Variants in PTPRA observed in about 807,000 individuals in gnomAD.
PTPRA encodes protein tyrosine phosphatase receptor type A.
In PTPRA, 25 loss-of-function variants were observed where a neutral mutation model predicts 104.8. That is an observed-to-expected ratio of 0.24 (90% confidence interval 0.17 to 0.33). PTPRA has a LOEUF of 0.33. Among genes scored for constraint, PTPRA ranks in the 10% least tolerant of loss-of-function variants. The pLI is 1.00. For synonymous variants in PTPRA, 323 were observed against 368.9 expected (o/e 0.88, Z 1.43); for missense variants, 765 against 1,015.3 (o/e 0.75, Z 3.35).
chr20:2,878,719 C>T (rs1428770025), intron 1 of PTPRA, among the ~76,000 whole-genome samples: 1 of 152,212 alleles, frequency 6.6e-6, no homozygotes, highest in African/African-American at 2.4e-5. Flanking sequence ...CCAGCACTAT[C>T]AGCAATTTAT....
intron 2 of PTPRA, among the ~76,000 whole-genome samples, chr20:2,943,220 C>CA (rs1450982620): frequency 6.8e-6 from 1 of 147,614 alleles, no homozygotes; most frequent in Non-Finnish European, 1.5e-5. Context: ...CCCACCCCCC[C>CA]CCCAGATAAG....
chr20:2,967,562 A>G (rs1294494791), intron 5 of PTPRA, among the ~76,000 whole-genome samples: 2 of 151,808 alleles, frequency 1.3e-5, no homozygotes, highest in Admixed American at 1.3e-4. Context: ...TTGTTTATTT[A>G]GTTTTCTATT....
intron 11 of PTPRA, among the ~76,000 whole-genome samples, chr20:3,008,434 A>T (rs1232454652): frequency 6.6e-6 from 1 of 152,232 alleles, no homozygotes; most frequent in Non-Finnish European, 1.5e-5. Flanking sequence ...TAGAGTAGTC[A>T]AATTCACAGG....
intron 3 of PTPRA, among the ~76,000 whole-genome samples, chr20:2,958,673 A>AT (rs2061627482): frequency 6.7e-6 from 1 of 148,420 alleles, no homozygotes; most frequent in African/African-American, 2.5e-5. Context: ...AAAAAAAAAA[A>AT]AAAAAAAAAA....
chr20:2,892,824 G>T (rs766223314), intron 1 of PTPRA, among the ~76,000 whole-genome samples: 16 of 152,118 alleles, frequency 1.1e-4, no homozygotes, highest in Non-Finnish European at 2.2e-4. Context: ...AACTAAGTTC[G>T]GTTTAGCTGT....
At chr20:3,004,049 G>C (rs1022593823) in intron 9 of PTPRA, among the ~76,000 whole-genome samples, 1 of 152,100 alleles carries the variant, frequency 6.6e-6, no homozygotes, top group Non-Finnish European at 1.5e-5. Flanking sequence ...ACGGAGTCTC[G>C]CTCTGTCGCC....
intron 2 of PTPRA, among the ~76,000 whole-genome samples, chr20:2,939,790 T>C (rs1225848074): frequency 6.6e-6 from 1 of 152,144 alleles, no homozygotes; most frequent in Non-Finnish European, 1.5e-5. Flanking sequence ...TGTCATGAAT[T>C]TCATCTAGAA....
chr20:2,887,085 G>C (rs549670530), intron 1 of PTPRA, among the ~76,000 whole-genome samples: 2 of 151,764 alleles, frequency 1.3e-5, no homozygotes, highest in African/African-American at 4.8e-5. Context: ...ATTAAAACTT[G>C]GAATCAGGCT....
rs749562281 is a variant in PTPRA at position 3,026,822 on chromosome 20, C to T, written c.1708+42C>T. ...CACTCCAAAGCCTTATTGCCCCATC[C>T]CTCAATTCCCTCCACCCCTTCCATT... On this transcript the variant is annotated intron_variant, in intron 18 of 23. Coordinates refer to ENST00000399903, the MANE Select transcript of PTPRA (RefSeq NM_001385305.1). 6.1e-6 allele frequency: 9 copies of T among 1,467,926 alleles called. No individual in the cohort carries two copies. The South Asian group carries it at 8.0e-5, about 13-fold the overall frequency. The allele number at this position is 1,467,926 out of a possible 1,614,324, so 90.9% of individuals were successfully genotyped here.
chr20:3,019,144 G>A (rs1424011910), intron 13 of PTPRA, among the ~76,000 whole-genome samples: 17 of 143,920 alleles, frequency 1.2e-4, no homozygotes, highest in South Asian at 4.4e-4. Context: ...GCGGCTGGCC[G>A]GGCGGGGGGC....
At position 3,038,501 on chromosome 20, in the gene PTPRA, G is replaced by A. The variant is rs1568714673; in HGVS notation, c.*368G>A. The A allele has an allele frequency of 1.5e-5, 4 of 266,744 alleles. No individual in the cohort carries two copies. The highest frequency in any genetic ancestry group is 2.9e-5 in the Non-Finnish European group (4 of 137,156). 16.5% of individuals were successfully genotyped at this position (266,744 alleles called of 1,614,324 possible). ...AAAGCACAAAGTTCTCAGAGCTCTCGAGGAAAGTGGTTGTCCCCGTACCAC... is the reference window on the plus strand; with the variant it reads ...AAAGCACAAAGTTCTCAGAGCTCTCAAGGAAAGTGGTTGTCCCCGTACCAC... On this transcript the variant is annotated 3_prime_UTR_variant, in exon 24 of 24. Transcript: ENST00000399903.
intron 1 of PTPRA, among the ~76,000 whole-genome samples, chr20:2,891,783 G>A (rs2058800889): frequency 6.6e-6 from 1 of 152,022 alleles, no homozygotes. Flanking sequence ...GGGATACTCA[G>A]GTGCCTTATA....
At chr20:3,036,213 A>G (rs1234481269) in intron 22 of PTPRA, among the ~76,000 whole-genome samples, 2 of 152,206 alleles carry the variant, frequency 1.3e-5, no homozygotes, top group Admixed American at 6.5e-5. Context: ...CGGTTGTGCT[A>G]TGAACAGAGG....
At chr20:2,875,915 C>T (rs1376246399) in intron 1 of PTPRA, among the ~76,000 whole-genome samples, 1 of 152,134 alleles carries the variant, frequency 6.6e-6, no homozygotes, top group Non-Finnish European at 1.5e-5. Flanking sequence ...GGAGTTTGCG[C>T]GTGGTGGACT....
the PTPRA span, chr20:2,866,403 C>T: frequency 1.2e-6 from 2 of 1,614,098 alleles, no homozygotes; most frequent in Non-Finnish European, 1.7e-6. Flanking sequence ...AGCCCCAACA[C>T]CACCTCCTCT....
In PTPRA at chr20:3,038,297, A is replaced by ATGT. The variant is rs2065901000; in HGVS notation, c.*164_*165insTGT. The ATGT allele has an allele frequency of 3.3e-6, 2 of 597,222 alleles. No individual in the cohort carries two copies. Among genetic ancestry groups the ATGT allele is most frequent in the Non-Finnish European group, 5.9e-6 (2 of 341,642 alleles). The allele number at this position is 597,222 out of a possible 1,614,324, so 37.0% of individuals were successfully genotyped here. ...TGGAAATTTTATATGTAAATGTGTTAGCACTGATAGTCCTTTTTCCAATGT... is the reference window on the plus strand; with the variant it reads ...TGGAAATTTTATATGTAAATGTGTTATGTGCACTGATAGTCCTTTTTCCAATGT... On this transcript the variant is annotated 3_prime_UTR_variant, in exon 24 of 24. Transcript: ENST00000399903.
intron 9 of PTPRA, among the ~76,000 whole-genome samples, chr20:2,990,506 C>T (rs1258824460): frequency 6.6e-6 from 1 of 152,116 alleles, no homozygotes; most frequent in Admixed American, 6.5e-5. Context: ...TTGCCTTGAT[C>T]ACAGGAGTTC....
intron 6 of PTPRA, among the ~76,000 whole-genome samples, chr20:2,981,214 G>A (rs1469961817): frequency 6.6e-6 from 1 of 152,070 alleles, no homozygotes; most frequent in Non-Finnish European, 1.5e-5. Context: ...ATGATACTAA[G>A]GAATTAGTGT....
At position 2,989,788 on chromosome 20, in the gene PTPRA, C is replaced by T. The variant is rs370480891; in HGVS notation, c.738+1314C>T. Among the ~76,000 whole-genome samples the T allele has an allele frequency of 2.6e-3, 396 of 152,234 alleles. 2 individuals carry two copies. The highest frequency in any genetic ancestry group is 8.6e-3 in the African/African-American group (358 of 41,562). ...ATCCCAGCACTTTGGGAGGCCAAGG[C>T]GGGCGGATCACAAGGTCAGGAGATC... On this transcript the variant is annotated intron_variant, in intron 9 of 23. Transcript: ENST00000399903.
Sources: gnomAD v4.1 joint callset for allele counts (sites outside exome capture counted in the v4.1 genomes callset) on GRCh38, gnomAD v4.1.1 for gene constraint, MANE v1.5 for transcripts, NCBI Gene and HGNC (gene_info 2026-07-23, HGNC 2026-07-21) for gene names.